The following NRXN1 variants were observed in gnomAD, a reference collection of about 807,000 sequenced individuals.
The protein encoded by NRXN1 is neurexin 1, also known as neurexin-1.
In NRXN1, 39 loss-of-function variants were observed where a neutral mutation model predicts 150.9. The ratio of observed to expected loss-of-function variants is 0.26; its 90% CI spans 0.20 to 0.34. The LOEUF is 0.34. Ranked by LOEUF, NRXN1 falls within the 10% of genes least tolerant of loss-of-function variation. The probability of loss-of-function intolerance (pLI) is 1.00; values close to 1 mark genes in which losing one functional copy is unlikely to be tolerated. For synonymous variants in NRXN1, 924 were observed against 757.0 expected (o/e 1.22, Z -3.62); for missense variants, 1,815 against 1,949.9 (o/e 0.93, Z 1.30).
intron 22 of NRXN1, among the ~76,000 whole-genome samples, chr2:49,929,555 C>G (rs979511862): frequency 1.3e-5 from 2 of 152,134 alleles, no homozygotes; most frequent in African/African-American, 4.8e-5. Context: ...AATTTGTCTT[C>G]CATATTTGTC....
intron 17 of NRXN1, among the ~76,000 whole-genome samples, chr2:50,261,214 G>A (rs1048150232): frequency 1.3e-5 from 2 of 151,740 alleles, no homozygotes; most frequent in Non-Finnish European, 3.0e-5. Context: ...CATAGATTGG[G>A]AGGGAAGTAA....
chr2:50,474,325 T>C (rs1439231691), intron 15 of NRXN1, among the ~76,000 whole-genome samples: 2 of 151,808 alleles, frequency 1.3e-5, no homozygotes, highest in East Asian at 1.9e-4. Flanking sequence ...ATAGAATACA[T>C]TGGAGTTTAC....
intron 18 of NRXN1, among the ~76,000 whole-genome samples, chr2:50,121,166 G>C (rs1407646916): frequency 6.6e-6 from 1 of 152,114 alleles, no homozygotes; most frequent in Non-Finnish European, 1.5e-5. Context: ...TGGGATTAGA[G>C]GTGTGCCACC....
chr2:50,129,045 C>T (rs954258254), intron 18 of NRXN1, among the ~76,000 whole-genome samples: 17 of 151,832 alleles, frequency 1.1e-4, no homozygotes, highest in East Asian at 3.9e-4. Context: ...ACAAATCAAA[C>T]GGAAGCAAAC....
intron 19 of NRXN1, among the ~76,000 whole-genome samples, chr2:50,076,084 C>T (rs1033058229): frequency 1.3e-5 from 2 of 152,290 alleles, no homozygotes; most frequent in South Asian, 2.1e-4. Flanking sequence ...TAAAATTGTA[C>T]AGAACATATA....
chr2:50,311,315 TA>T (rs2075162038), intron 17 of NRXN1, among the ~76,000 whole-genome samples: 1 of 152,170 alleles, frequency 6.6e-6, no homozygotes, highest in Non-Finnish European at 1.5e-5. Context: ...TCTTCCTAGA[TA>T]ATGAATTTCC....
intron 13 of NRXN1, among the ~76,000 whole-genome samples, chr2:50,505,298 T>A (rs2092164105): frequency 6.6e-6 from 1 of 152,152 alleles, no homozygotes. Flanking sequence ...CATAATTCAC[T>A]TATCCTCTTC....
At chr2:50,713,737 C>T (rs1001752815) in intron 5 of NRXN1, among the ~76,000 whole-genome samples, 1 of 151,986 alleles carries the variant, frequency 6.6e-6, no homozygotes, top group African/African-American at 2.4e-5. Context: ...GTGGTATTTA[C>T]CAAAACACAT....
chr2:50,985,226 A>G (rs1697505188), intron 2 of NRXN1: 1 of 151,984 alleles, frequency 6.6e-6, no homozygotes, highest in Non-Finnish European at 1.5e-5. Context: ...ACCAACATCC[A>G]TGATAGGTAT....
At chr2:50,278,639 C>T (rs77343653) in intron 17 of NRXN1, among the ~76,000 whole-genome samples, 2,125 of 151,764 alleles carry the variant, frequency 0.014, 50 homozygotes, top group African/African-American at 0.049. Flanking sequence ...ACATATTTTA[C>T]CTGCTAAAAA....
chr2:50,719,608 G>A (rs752224019), intron 5 of NRXN1, among the ~76,000 whole-genome samples: 41 of 151,924 alleles, frequency 2.7e-4, no homozygotes, highest in African/African-American at 6.8e-4. Context: ...CCGGGGAGGC[G>A]GAGGTTGCAG....
intron 5 of NRXN1, among the ~76,000 whole-genome samples, chr2:50,835,635 A>G (rs1672000535): frequency 6.8e-6 from 1 of 147,724 alleles, no homozygotes; most frequent in Non-Finnish European, 1.5e-5. Context: ...TTCAACATTA[A>G]ACTTTGAGAT....
chr2:50,977,369 T>C (rs1305609092), intron 2 of NRXN1, among the ~76,000 whole-genome samples: 1 of 151,978 alleles, frequency 6.6e-6, no homozygotes, highest in South Asian at 2.1e-4. Flanking sequence ...TGATACATAA[T>C]ATTATATACA....
chr2:50,709,507 C>T (rs1042159423), intron 5 of NRXN1, among the ~76,000 whole-genome samples: 4 of 152,044 alleles, frequency 2.6e-5, no homozygotes, highest in Non-Finnish European at 5.9e-5. Context: ...ACCTATCATC[C>T]AAACTGAATC....
chr2:50,506,449 T>A (rs369865054), intron 13 of NRXN1, 46 bp downstream of exon 13: 7 of 1,555,932 alleles, frequency 4.5e-6, no homozygotes, highest in Middle Eastern at 1.7e-4. Flanking sequence ...GAAATGAGAG[T>A]CAAAAGCGTT....
intron 5 of NRXN1, among the ~76,000 whole-genome samples, chr2:50,713,339 C>A (rs949391423): frequency 1.2e-4 from 18 of 151,386 alleles, no homozygotes; most frequent in African/African-American, 4.1e-4. Flanking sequence ...AAAAAAATTA[C>A]AATGGCTAGC....
chr2:50,614,733 C>CAAAAAAAAAAAAAAAAAAAAAAAAA (rs33968907), intron 8 of NRXN1, among the ~76,000 whole-genome samples: 2 of 98,272 alleles, frequency 2.0e-5, no homozygotes, highest in Non-Finnish European at 3.8e-5. Context: ...ATCAGCCATT[C>CAAAAAAAAAAAAAAAAAAAAAAAAA]AAAAAAAAAA....
intron 5 of NRXN1, among the ~76,000 whole-genome samples, chr2:50,670,493 GTTCT>G (rs1179489238): frequency 6.6e-6 from 1 of 151,882 alleles, no homozygotes. Flanking sequence ...TACCATGTAT[GTTCT>G]TCACCCAGTT....
At position 50,482,553 on chromosome 2, in the gene NRXN1, G is replaced by A. The variant is rs111478499; in HGVS notation, c.3071-10082C>T. Among the ~76,000 whole-genome samples, 30 of 152,184 alleles carry A rather than the reference G, an allele frequency of 2.0e-4. 1 individual carries two copies. Among genetic ancestry groups the A allele is most frequent in the African/African-American group, 6.3e-4 (26 of 41,526 alleles). On this transcript the variant is annotated intron_variant, in intron 15 of 22. Coordinates refer to ENST00000401669, the MANE Select transcript of NRXN1 (RefSeq NM_001330078.2). ...CTCTGGGACTGCATATGGATTTGCAGGGGTTTTCAACCTCACATATACTGC... is the reference window on the plus strand; with the variant it reads ...CTCTGGGACTGCATATGGATTTGCAAGGGTTTTCAACCTCACATATACTGC...
Sources: gnomAD v4.1 joint callset for allele counts (sites outside exome capture counted in the v4.1 genomes callset) on GRCh38, gnomAD v4.1.1 for gene constraint, MANE v1.5 for transcripts, NCBI Gene and HGNC (gene_info 2026-07-23, HGNC 2026-07-21) for gene names.